The following VAV2 variants were observed in gnomAD, a reference collection of about 807,000 sequenced individuals.
The protein encoded by VAV2 is vav guanine nucleotide exchange factor 2.
Under a neutral mutation model 132.5 loss-of-function variants are expected in VAV2, and 67 were observed. That is an observed-to-expected ratio of 0.51 (90% CI 0.42 to 0.62). The LOEUF is 0.62. VAV2 is among the 20% of genes least tolerant of loss of function. The probability of loss-of-function intolerance (pLI) is 0.00; values close to 1 mark genes in which losing one functional copy is unlikely to be tolerated. For missense variants in VAV2, 938 were observed against 1,153.6 expected (o/e 0.81, Z 2.71); for synonymous variants, 492 against 443.5 (o/e 1.11, Z -1.37).
chr9:133,900,160 C>T (rs1448807747), intron 2 of VAV2, among the ~76,000 whole-genome samples: 2 of 152,264 alleles, frequency 1.3e-5, no homozygotes, highest in Admixed American at 1.3e-4. Flanking sequence ...GATTACACCA[C>T]TGCACTCCAG....
At chr9:133,914,786 AG>A (rs1840010368) in intron 2 of VAV2, among the ~76,000 whole-genome samples, 6 of 43,058 alleles carry the variant, frequency 1.4e-4, no homozygotes, top group South Asian at 8.1e-4. Context: ...ACGGGAGGGG[AG>A]AGGAGGAGGA....
At chr9:133,864,547 C>T (rs1166463748) in intron 2 of VAV2, among the ~76,000 whole-genome samples, 1 of 152,132 alleles carries the variant, frequency 6.6e-6, no homozygotes, top group Non-Finnish European at 1.5e-5. Flanking sequence ...ACCGGCAGCC[C>T]GTCAGCCTCC....
rs773863888 is a variant in VAV2, at chr9:133,769,398, C to G, written c.2434+19G>C. The G allele has an allele frequency of 6.2e-7, 1 of 1,603,520 alleles. No homozygotes were observed. Among genetic ancestry groups the G allele is most frequent in the African/African-American group, 1.3e-5 (1 of 74,888 alleles). On this transcript the variant is annotated intron_variant, in intron 28 of 29. Coordinates refer to ENST00000371850, the MANE Select transcript of VAV2 (RefSeq NM_001134398.2). This position sits in a 1 kb window ranked among gnomAD's most constrained non-coding sequence, Gnocchi z 8.1. Reference sequence around the variant, plus strand: ...CTGCCACAGGCCCGGTCCCCCCACGCCCTGGGGAGCAGCGGTACCTGACCA... The same window carrying G: ...CTGCCACAGGCCCGGTCCCCCCACGGCCTGGGGAGCAGCGGTACCTGACCA...
At chr9:133,787,298 C>T in intron 15 of VAV2, 38 bp from the exon 16 acceptor site, 19 of 1,556,894 alleles carry the variant, frequency 1.2e-5, no homozygotes, top group Non-Finnish European at 1.6e-5. Flanking sequence ...GGAAGACGGT[C>T]AGTGAGAGGC....
rs575298891 is a variant in VAV2 at position 133,863,951 on chromosome 9, A to G, written c.322-2519T>C. On this transcript the variant is annotated intron_variant, in intron 2 of 29. Coordinates refer to ENST00000371850, the MANE Select transcript of VAV2 (RefSeq NM_001134398.2). This position sits in a 1 kb window ranked among gnomAD's most constrained non-coding sequence, Gnocchi z 5.0. The stretch of plus-strand genomic sequence containing the variant: ...CCCTGCAGGAGGAGGGATGCCCTAC[A>G]GTAGCTCCCCAGGGCACCTCTGGCT... Among the ~76,000 whole-genome samples, 1 of 152,144 alleles carries G rather than the reference A, an allele frequency of 6.6e-6. No homozygotes were observed. Among genetic ancestry groups the G allele is most frequent in the Non-Finnish European group, 1.5e-5 (1 of 67,996 alleles).
At chr9:133,808,779 G>A (rs549127986) in intron 7 of VAV2, among the ~76,000 whole-genome samples, 32 of 152,368 alleles carry the variant, frequency 2.1e-4, no homozygotes, top group African/African-American at 7.0e-4. Context: ...AGCTGAAGCC[G>A]TAATCCCACC....
intron 3 of VAV2, among the ~76,000 whole-genome samples, chr9:133,845,106 G>A (rs973760002): frequency 6.6e-6 from 1 of 152,252 alleles, no homozygotes; most frequent in African/African-American, 2.4e-5. Context: ...CCCCGCTCTC[G>A]CGTCTGGCAC....
chr9:133,827,234 G>GAGGCTGACCACGGGCATCGCCAACTACT, intron 4 of VAV2, among the ~76,000 whole-genome samples: 1 of 66,436 alleles, frequency 1.5e-5, no homozygotes, highest in Non-Finnish European at 3.3e-5. Context: ...TGTGCCCACT[G>GAGGCTGACCACGGGCATCGCCAACTACT]GGGCTGACCA....
rs1837833031 is a variant in VAV2, at chr9:133,867,068, G to A, written c.322-5636C>T. Among the ~76,000 whole-genome samples, 3 of 152,316 alleles carry A rather than the reference G, an allele frequency of 2.0e-5. No homozygotes were observed. In the South Asian group the frequency reaches 6.2e-4, roughly 32 times the overall value. ...CGTCACAAGGCTGCTGGGGCCTGCA[G>A]GAGGACACGCCCCTGCAGGGGACAC... is the stretch of plus-strand genomic sequence containing the variant. On this transcript the variant is annotated intron_variant, in intron 2 of 29. Coordinates refer to ENST00000371850, the MANE Select transcript of VAV2 (RefSeq NM_001134398.2).
In VAV2 at chr9:133,802,972, G is replaced by A. The variant is rs929386049; in HGVS notation, c.836+3109C>T. 1.3e-5 allele frequency among the ~76,000 whole-genome samples: 2 copies of A among 152,210 alleles called. No individual in the cohort carries two copies. Among genetic ancestry groups the A allele is most frequent in the Non-Finnish European group, 2.9e-5 (2 of 68,042 alleles). On this transcript the variant is annotated intron_variant, in intron 9 of 29. Transcript: ENST00000371850. This position sits in a 1 kb window ranked among gnomAD's most constrained non-coding sequence, Gnocchi z 5.8. ...TTCTTGACTTCAGAGGTTCCCAAAG[G>A]CAGCCCTGCCAGAGCAGGTGGCCAA...
chr9:133,930,849 G>A (rs1166478736), intron 2 of VAV2, among the ~76,000 whole-genome samples: 1 of 152,212 alleles, frequency 6.6e-6, no homozygotes, highest in Admixed American at 6.5e-5. Context: ...TTCAGAATCT[G>A]TAAGCAGCCA....
intron 3 of VAV2, among the ~76,000 whole-genome samples, chr9:133,843,311 G>A (rs946725484): frequency 6.6e-6 from 1 of 152,218 alleles, no homozygotes; most frequent in Non-Finnish European, 1.5e-5. Flanking sequence ...GTGGCGGCAA[G>A]GGAGCTGGTG....
At chr9:133,816,004 T>C (rs1007480733) in intron 4 of VAV2, among the ~76,000 whole-genome samples, 2 of 152,208 alleles carry the variant, frequency 1.3e-5, no homozygotes, top group African/African-American at 2.4e-5. Context: ...CAGCTTCTGC[T>C]GTTGCCGGTC....
chr9:133,855,969 C>T (rs1335006596), intron 3 of VAV2, among the ~76,000 whole-genome samples: 2 of 152,306 alleles, frequency 1.3e-5, no homozygotes, highest in Non-Finnish European at 2.9e-5. Flanking sequence ...GAATGTTCCA[C>T]GGCCATAAAG....
chr9:133,835,521 G>GAAA (rs1272567904), intron 3 of VAV2, among the ~76,000 whole-genome samples: 3 of 152,178 alleles, frequency 2.0e-5, no homozygotes, highest in Non-Finnish European at 4.4e-5. Flanking sequence ...GAGGAGACAC[G>GAAA]AAAGGCCCCT....
chr9:133,861,748 C>T (rs543967164), intron 2 of VAV2, among the ~76,000 whole-genome samples: 29 of 152,306 alleles, frequency 1.9e-4, no homozygotes, highest in Admixed American at 6.5e-4. Context: ...AGGGCTTCAC[C>T]GAGGCCACCT....
At chr9:133,966,107 G>C (rs1245157974) in intron 1 of VAV2, among the ~76,000 whole-genome samples, 1 of 152,142 alleles carries the variant, frequency 6.6e-6, no homozygotes, top group Non-Finnish European at 1.5e-5. Flanking sequence ...AGACTTCCAT[G>C]TCTCCCCATA....
intron 2 of VAV2, among the ~76,000 whole-genome samples, chr9:133,905,997 G>A (rs918236202): frequency 9.2e-5 from 14 of 152,072 alleles, no homozygotes; most frequent in Admixed American, 4.6e-4. Context: ...CCATGATCGC[G>A]CCACTGAATC....
intron 2 of VAV2, among the ~76,000 whole-genome samples, chr9:133,881,099 G>C (rs984314107): frequency 1.3e-5 from 2 of 152,250 alleles, no homozygotes; most frequent in Non-Finnish European, 2.9e-5. Context: ...GAGAGGCTGG[G>C]CAGGGAGAGA....
Sources: allele counts gnomAD v4.1 joint callset (sites outside exome capture counted in the v4.1 genomes callset), GRCh38; gene constraint gnomAD v4.1.1; non-coding constraint Gnocchi (gnomAD v3.1); transcripts MANE v1.5; gene names NCBI Gene and HGNC (gene_info 2026-07-23, HGNC 2026-07-21).